Variants in TLE1 observed in about 807,000 individuals in gnomAD.
TLE1 encodes transducin-like enhancer protein 1.
Under a neutral mutation model 89.8 loss-of-function variants are expected in TLE1, and 21 were observed. The ratio of observed to expected loss-of-function variants is 0.23; its 90% CI spans 0.17 to 0.34. The LOEUF is 0.34. Ranked by LOEUF, TLE1 falls within the 10% of genes least tolerant of loss-of-function variation. The pLI is 1.00. For missense variants in TLE1, 795 were observed against 1,031.2 expected (o/e 0.77, Z 3.14); for synonymous variants, 447 against 407.6 (o/e 1.10, Z -1.16).
chr9:81,654,960 A>G (rs117833782), intron 4 of TLE1, among the ~76,000 whole-genome samples: 4,686 of 152,310 alleles, frequency 0.031, 91 homozygotes, highest in Non-Finnish European at 0.044. Context: ...GAGTATTCGG[A>G]AAGTTTCGCC....
intron 4 of TLE1, among the ~76,000 whole-genome samples, chr9:81,667,938 TG>T (rs1466740064): frequency 2.0e-5 from 3 of 151,196 alleles, no homozygotes; most frequent in Non-Finnish European, 4.4e-5. Flanking sequence ...CTGAGGAGGG[TG>T]GATTGCCTGA....
intron 4 of TLE1, among the ~76,000 whole-genome samples, chr9:81,657,431 T>C (rs1302796032): frequency 6.6e-6 from 1 of 152,198 alleles, no homozygotes; most frequent in Non-Finnish European, 1.5e-5. Flanking sequence ...TGCTTAACTA[T>C]TTAACTGGAA....
At chr9:81,657,839 T>C (rs1025207833) in intron 4 of TLE1, among the ~76,000 whole-genome samples, 3 of 151,696 alleles carry the variant, frequency 2.0e-5, no homozygotes, top group Admixed American at 6.6e-5. Flanking sequence ...CCTAGGTAAA[T>C]GGTTGTTGTA....
chr9:81,654,484 G>A (rs1416219882), intron 4 of TLE1, among the ~76,000 whole-genome samples: 2 of 152,160 alleles, frequency 1.3e-5, no homozygotes, highest in African/African-American at 4.8e-5. Flanking sequence ...GGGACTACAG[G>A]CGCCCGCCAC....
chr9:81,641,266 AAAAG>A (rs1828079889), intron 6 of TLE1, among the ~76,000 whole-genome samples: 1 of 152,130 alleles, frequency 6.6e-6, no homozygotes, highest in African/African-American at 2.4e-5. Flanking sequence ...AAACACGTGC[AAAAG>A]AGCTGTCTGG....
chr9:81,675,950 C>T (rs755520467), intron 4 of TLE1, among the ~76,000 whole-genome samples: 6 of 152,100 alleles, frequency 3.9e-5, no homozygotes, highest in Admixed American at 1.3e-4. Context: ...CCGCCCGCCT[C>T]AGCCTCCCAA....
chr9:81,652,034 C>A (rs1372941655), intron 6 of TLE1, 180 bp downstream of exon 6: 3 of 510,762 alleles, frequency 5.9e-6, no homozygotes, highest in Non-Finnish European at 1.0e-5. Flanking sequence ...CCCTCTTCCT[C>A]CATATACCTT....
intron 14 of TLE1, among the ~76,000 whole-genome samples, chr9:81,602,664 C>T (rs1409059446): frequency 6.6e-6 from 1 of 152,124 alleles, no homozygotes; most frequent in Non-Finnish European, 1.5e-5. Context: ...GATGCTCAAT[C>T]TGTATTCAAC....
intron 4 of TLE1, among the ~76,000 whole-genome samples, chr9:81,656,373 T>C (rs190268339): frequency 5.9e-5 from 9 of 152,332 alleles, no homozygotes; most frequent in Admixed American, 2.0e-4. Context: ...ACTCCCTACC[T>C]ACCACACATT....
chr9:81,630,421 TTAA>T (rs1173772365), intron 8 of TLE1, among the ~76,000 whole-genome samples: 3 of 152,250 alleles, frequency 2.0e-5, no homozygotes, highest in Non-Finnish European at 4.4e-5. Flanking sequence ...TTATTTTTCA[TTAA>T]TAATGTTATT....
Position 81,616,151 on chromosome 9 carries a change from A to G in TLE1, c.766-17T>C. On this transcript the variant is annotated splice_polypyrimidine_tract_variant and intron_variant, in intron 10 of 19. Transcript: ENST00000376499. ...AGAAGGGTCCTCAACAAGCATAATC[A>G]AAAGTTTTCGTGATTTAGCTTGTAA... is the stretch of plus-strand genomic sequence containing the variant. 1 of 1,587,258 alleles carries G rather than the reference A, an allele frequency of 6.3e-7. No individual in the cohort carries two copies.
intron 4 of TLE1, among the ~76,000 whole-genome samples, chr9:81,669,882 G>A (rs772541697): frequency 4.6e-5 from 7 of 152,150 alleles, no homozygotes; most frequent in Non-Finnish European, 8.8e-5. Context: ...TAAAGATAAT[G>A]TTGTACCACA....
intron 6 of TLE1, among the ~76,000 whole-genome samples, chr9:81,636,760 T>C (rs1050296625): frequency 1.3e-5 from 2 of 152,300 alleles, no homozygotes; most frequent in Non-Finnish European, 2.9e-5. Context: ...ATCCCAACAC[T>C]TTGGGGGCCC....
Position 81,584,143 on chromosome 9 carries a change from A to G in TLE1, c.*55T>C. On this transcript the variant is annotated 3_prime_UTR_variant, in exon 20 of 20. Transcript: ENST00000376499. ...AAAGTTACAACTTTTCTATTTCTAT[A>G]AATTCGAAACATTTTGGCCCAATTC... 1 of 1,470,470 alleles carries G rather than the reference A, an allele frequency of 6.8e-7. No individual in the cohort carries two copies. Among genetic ancestry groups the G allele is most frequent in the East Asian group, 2.3e-5 (1 of 44,084 alleles). The allele number at this position is 1,470,470 out of a possible 1,614,324, so 91.1% of individuals were successfully genotyped here.
intron 6 of TLE1, among the ~76,000 whole-genome samples, chr9:81,642,866 T>C (rs1163090610): frequency 6.6e-6 from 1 of 152,156 alleles, no homozygotes; most frequent in Non-Finnish European, 1.5e-5. Context: ...GAAAATGTGG[T>C]ACCTATAAAC....
chr9:81,671,709 A>G (rs1053057918), intron 4 of TLE1, among the ~76,000 whole-genome samples: 1 of 152,158 alleles, frequency 6.6e-6, no homozygotes, highest in Non-Finnish European at 1.5e-5. Flanking sequence ...AAACCTCCTT[A>G]TACTTCCTCC....
At position 81,587,907 on chromosome 9, in the gene TLE1, CGTGTGTGTGTGT is replaced by C. The variant is rs71496083; in HGVS notation, c.1830-91_1830-80del. On this transcript the variant is annotated intron_variant, in intron 16 of 19. Coordinates refer to ENST00000376499, the MANE Select transcript of TLE1 (RefSeq NM_005077.5). ...CACTGTTGTGTTGTTAGTTTTGGAC[CGTGTGTGTGTGT>C]GTGTGTGTGTGTGTGTGTGTGTGTG... is the stretch of plus-strand genomic sequence containing the variant. 37 of 753,846 alleles carry C rather than the reference CGTGTGTGTGTGT, an allele frequency of 4.9e-5. No individual in the cohort carries two copies. In the East Asian group the frequency reaches 7.6e-4, roughly 16 times the overall value. The allele number at this position is 753,846 out of a possible 1,614,324, so 46.7% of individuals were successfully genotyped here.
chr9:81,686,430 G>C (rs766958038), intron 2 of TLE1, among the ~76,000 whole-genome samples: 1 of 152,130 alleles, frequency 6.6e-6, no homozygotes, highest in African/African-American at 2.4e-5. Context: ...CTCCCTGCTG[G>C]GTAAACACGG....
intron 14 of TLE1, among the ~76,000 whole-genome samples, chr9:81,597,652 C>T (rs1392647450): frequency 1.3e-5 from 2 of 152,168 alleles, no homozygotes. Context: ...CTGAATCAAG[C>T]TCCTACAGAT....
Sources: allele counts gnomAD v4.1 joint callset (sites outside exome capture counted in the v4.1 genomes callset), GRCh38; gene constraint gnomAD v4.1.1; transcripts MANE v1.5; gene names NCBI Gene and HGNC (gene_info 2026-07-23, HGNC 2026-07-21).